CBFA2T3: variants seen among roughly 807,000 people sequenced by gnomAD.
The protein encoded by CBFA2T3 is CBFA2/RUNX1 partner transcriptional co-repressor 3, also known as transcriptional corepressor CBFA2T3.
CBFA2T3 carries 31 observed loss-of-function variants against 58.6 expected under a neutral mutation model. The ratio of observed to expected loss-of-function variants is 0.53; its 90% CI spans 0.40 to 0.71. The LOEUF (loss-of-function observed/expected upper bound fraction) is 0.71, where lower values mean the gene tolerates loss of function less well. Among genes scored for constraint, CBFA2T3 ranks in the 30% least tolerant of loss-of-function variants. CBFA2T3 has a pLI of 0.00. For missense variants in CBFA2T3, 1,076 were observed against 963.1 expected (o/e 1.12, Z -1.55); for synonymous variants, 531 against 421.9 (o/e 1.26, Z -3.17).
At chr16:88,922,683 G>A (rs559337379) in intron 1 of CBFA2T3, among the ~76,000 whole-genome samples, 161 of 152,330 alleles carry the variant, frequency 1.1e-3, no homozygotes, top group African/African-American at 3.4e-3. Context: ...GGCAAATCCC[G>A]CCTACAGGCC....
At chr16:88,880,323 T>C (rs1344626908) in intron 10 of CBFA2T3, among the ~76,000 whole-genome samples, 1 of 152,104 alleles carries the variant, frequency 6.6e-6, no homozygotes, top group East Asian at 1.9e-4. Context: ...TCCCACGGCA[T>C]GAGCAAATGT....
chr16:88,964,279 G>T (rs60481069), intron 1 of CBFA2T3, among the ~76,000 whole-genome samples: 1 of 152,168 alleles, frequency 6.6e-6, no homozygotes, highest in Non-Finnish European at 1.5e-5. Flanking sequence ...ACCTGGGGCA[G>T]GCCCCATGCC....
At chr16:88,963,929 A>C (rs973386869) in intron 1 of CBFA2T3, among the ~76,000 whole-genome samples, 1 of 152,160 alleles carries the variant, frequency 6.6e-6, no homozygotes, top group Admixed American at 6.5e-5. Flanking sequence ...GTGGTGACTT[A>C]GGGGACTCTG....
At chr16:88,879,132 G>C (rs1259605227) in intron 11 of CBFA2T3, 138 bp downstream of exon 11, 1 of 715,148 alleles carries the variant, frequency 1.4e-6, no homozygotes, top group East Asian at 2.6e-5. Flanking sequence ...GTGTGGGCGG[G>C]GATGGCGTGC....
At chr16:88,878,412 C>T (rs1345613568) in intron 11 of CBFA2T3, among the ~76,000 whole-genome samples, 2 of 152,248 alleles carry the variant, frequency 1.3e-5, no homozygotes, top group Admixed American at 1.3e-4. Flanking sequence ...AGAGATCCGC[C>T]CTATCTCAAG....
chr16:88,904,336 G>A (rs1283940100), intron 1 of CBFA2T3, among the ~76,000 whole-genome samples: 2 of 152,120 alleles, frequency 1.3e-5, no homozygotes, highest in African/African-American at 2.4e-5. Context: ...ACCCTCTGCG[G>A]CTGATGCTGC....
At chr16:88,928,996 T>C (rs1165555044) in intron 1 of CBFA2T3, among the ~76,000 whole-genome samples, 2 of 152,140 alleles carry the variant, frequency 1.3e-5, no homozygotes, top group Non-Finnish European at 2.9e-5. Context: ...TTGTGTGGTC[T>C]TGGAGGCCCC....
chr16:88,960,910 T>A (rs1972339003), intron 1 of CBFA2T3, among the ~76,000 whole-genome samples: 1 of 152,372 alleles, frequency 6.6e-6, no homozygotes, highest in South Asian at 2.1e-4. Context: ...AATTTGAATG[T>A]CAGATAAACG....
intron 10 of CBFA2T3, chr16:88,879,675 C>T (rs1465439420): frequency 3.7e-6 from 2 of 542,752 alleles, no homozygotes; most frequent in Non-Finnish European, 3.3e-6. Context: ...GCCCTCATGC[C>T]TGTGCAGACA....
intron 10 of CBFA2T3, chr16:88,879,666 C>A: frequency 7.3e-6 from 4 of 550,774 alleles, no homozygotes; most frequent in Non-Finnish European, 1.3e-5. Context: ...ACGTTGATGG[C>A]CCTCATGCCT....
At chr16:88,882,561 T>G (rs1337975939) in intron 8 of CBFA2T3, 115 bp downstream of exon 8, 4 of 664,868 alleles carry the variant, frequency 6.0e-6, no homozygotes, top group African/African-American at 1.9e-5. Context: ...TGGCTGTGTG[T>G]GGGCATGGCT....
intron 1 of CBFA2T3, chr16:88,941,907 GC>G (rs1303549607): frequency 6.7e-6 from 1 of 148,872 alleles, no homozygotes; most frequent in Non-Finnish European, 1.5e-5. Context: ...CGCTCCTTCG[GC>G]CGCCGCCCCC....
intron 1 of CBFA2T3, among the ~76,000 whole-genome samples, chr16:88,934,057 C>T (rs951857770): frequency 6.6e-6 from 1 of 152,358 alleles, no homozygotes; most frequent in Admixed American, 6.5e-5. Flanking sequence ...TTTGCCCGGT[C>T]TCTTCTTCCC....
At position 88,879,266 on chromosome 16, in the gene CBFA2T3, C is replaced by T. The variant is rs773784278; in HGVS notation, c.1662+4G>A. 6.3e-7 allele frequency: 1 copy of T among 1,585,830 alleles called. No homozygotes were observed. The highest frequency in any genetic ancestry group is 1.1e-5 in the South Asian group (1 of 90,326). ...TGGGTGTCAGCGTGGCCGGGTGGCC[C>T]TACCTCGCTGGAGTCCTCCTGCTGG... On this transcript the variant is annotated splice_donor_region_variant and intron_variant, in intron 11 of 11. Coordinates refer to ENST00000268679, the MANE Select transcript of CBFA2T3 (RefSeq NM_005187.6).
rs750764995 is a variant in CBFA2T3 at position 88,881,497 on chromosome 16, C to T, written c.1204-8G>A. The T allele has an allele frequency of 3.3e-5, 52 of 1,596,792 alleles. No individual in the cohort carries two copies. In the East Asian group the frequency reaches 3.4e-4, roughly 10 times the overall value. ...CATGATGCAGTTCAGGAGCTGGGGG[C>T]GGGCGGCGCAGCCTTCAGCACCTCA... On this transcript the variant is annotated splice_polypyrimidine_tract_variant and splice_region_variant and intron_variant, in intron 8 of 11. Transcript: ENST00000268679.
chr16:88,972,320 C>T (rs1170570781), intron 1 of CBFA2T3, among the ~76,000 whole-genome samples: 4 of 152,122 alleles, frequency 2.6e-5, no homozygotes, highest in African/African-American at 9.7e-5. Context: ...AGTGGAGCCT[C>T]CGGTGGGGAG....
intron 1 of CBFA2T3, among the ~76,000 whole-genome samples, chr16:88,919,503 C>T (rs571722663): frequency 2.6e-5 from 4 of 152,328 alleles, no homozygotes; most frequent in Admixed American, 6.5e-5. Context: ...TGGCCTCAGG[C>T]GCTGTCCCTA....
chr16:88,976,998 A>T lies in CBFA2T3; in HGVS notation c.-191T>A. On this transcript the variant is annotated 5_prime_UTR_variant, in exon 1 of 12. Coordinates refer to ENST00000268679, the MANE Select transcript of CBFA2T3 (RefSeq NM_005187.6). Reference sequence around the variant, plus strand: ...CAACTGGGTGTCCTCTGCCCTGGGGAGGGGGTGGGAGCCCTGGGGCTCATG... The same window carrying T: ...CAACTGGGTGTCCTCTGCCCTGGGGTGGGGGTGGGAGCCCTGGGGCTCATG... 1.1e-5 allele frequency: 6 copies of T among 526,448 alleles called. No homozygotes were observed. Among genetic ancestry groups the T allele is most frequent in the Non-Finnish European group, 2.0e-5 (6 of 307,278 alleles). The allele number at this position is 526,448 out of a possible 1,614,324, so 32.6% of individuals were successfully genotyped here.
At chr16:88,961,807 G>A (rs927726438) in intron 1 of CBFA2T3, among the ~76,000 whole-genome samples, 1 of 127,958 alleles carries the variant, frequency 7.8e-6, no homozygotes, top group Admixed American at 7.6e-5. Flanking sequence ...CTCAGCGCTG[G>A]GCATTCCCAC....
Sources: gnomAD v4.1 joint callset for allele counts (sites outside exome capture counted in the v4.1 genomes callset) on GRCh38, gnomAD v4.1.1 for gene constraint, MANE v1.5 for transcripts, NCBI Gene and HGNC (gene_info 2026-07-23, HGNC 2026-07-21) for gene names.